Variants in TNFAIP8L3 observed in about 807,000 individuals in gnomAD.
TNFAIP8L3 encodes the protein TNF alpha induced protein 8 like 3.
TNFAIP8L3 carries 7 observed loss-of-function variants against 11.8 expected under a neutral mutation model. The observed-to-expected ratio is 0.59, with a 90% CI of 0.34 to 1.11. TNFAIP8L3 has a LOEUF of 1.11. Among genes scored for constraint, TNFAIP8L3 ranks in the 50% most tolerant of loss-of-function variants. TNFAIP8L3 has a pLI of 0.03. For missense variants in TNFAIP8L3, 219 were observed against 258.6 expected (o/e 0.85, Z 1.05); for synonymous variants, 98 against 103.8 (o/e 0.94, Z 0.34).
At chr15:51,061,143 A>G (rs1446053512) in intron 1 of TNFAIP8L3, among the ~76,000 whole-genome samples, 6 of 152,182 alleles carry the variant, frequency 3.9e-5, no homozygotes, top group Admixed American at 2.6e-4. Flanking sequence ...CAAAAAAATA[A>G]TAATTAATTC....
intron 1 of TNFAIP8L3, 24 bp from the exon 2 acceptor site, chr15:51,058,467 A>C: frequency 5.5e-6 from 8 of 1,459,960 alleles, no homozygotes; most frequent in Non-Finnish European, 7.2e-6. Context: ...AATATATATA[A>C]AAGTTTTAGA....
At chr15:51,060,561 C>G (rs776494866) in intron 1 of TNFAIP8L3, among the ~76,000 whole-genome samples, 2 of 152,208 alleles carry the variant, frequency 1.3e-5, no homozygotes, top group African/African-American at 4.8e-5. Flanking sequence ...ACATATGCAT[C>G]CAGTGGCAGG....
intron 1 of TNFAIP8L3, among the ~76,000 whole-genome samples, chr15:51,093,599 C>G (rs1262769876): frequency 2.6e-5 from 4 of 152,134 alleles, no homozygotes; most frequent in Non-Finnish European, 4.4e-5. Context: ...GCGGTCTGTA[C>G]AGGAGGGTCC....
At chr15:51,095,700 C>T (rs1245862701), upstream of TNFAIP8L3, among the ~76,000 whole-genome samples, 1 of 151,734 alleles carries the variant, frequency 6.6e-6, no homozygotes, top group Non-Finnish European at 1.5e-5. Flanking sequence ...AGAGCCCAAA[C>T]GAGGGGGGAA....
intron 1 of TNFAIP8L3, among the ~76,000 whole-genome samples, chr15:51,061,521 A>G (rs780257660): frequency 1.3e-5 from 2 of 152,244 alleles, no homozygotes; most frequent in Non-Finnish European, 2.9e-5. Context: ...CACTTTAAAA[A>G]TGACATGAAC....
At chr15:51,072,291 C>T (rs1052933588) in intron 1 of TNFAIP8L3, among the ~76,000 whole-genome samples, 2 of 152,148 alleles carry the variant, frequency 1.3e-5, no homozygotes, top group Non-Finnish European at 2.9e-5. Flanking sequence ...CAGGCATGCA[C>T]CACCATGCCC....
At chr15:51,072,643 G>A (rs2065318189) in intron 1 of TNFAIP8L3, among the ~76,000 whole-genome samples, 1 of 151,834 alleles carries the variant, frequency 6.6e-6, no homozygotes, top group Non-Finnish European at 1.5e-5. Context: ...ATGAGGTTGG[G>A]AATCTTTTTC....
At chr15:51,058,851 G>T (rs1372009331) in intron 1 of TNFAIP8L3, among the ~76,000 whole-genome samples, 1 of 152,242 alleles carries the variant, frequency 6.6e-6, no homozygotes, top group East Asian at 1.9e-4. Flanking sequence ...TTAATGGCAC[G>T]AATGTAGCCC....
upstream of TNFAIP8L3, among the ~76,000 whole-genome samples, chr15:51,098,914 G>A (rs2065531325): frequency 6.6e-6 from 1 of 152,154 alleles, no homozygotes; most frequent in South Asian, 2.1e-4. Flanking sequence ...TGAGCAGTTA[G>A]GTTGTTTCCA....
chr15:51,082,084 C>A, intron 1 of TNFAIP8L3, among the ~76,000 whole-genome samples: 1 of 148,232 alleles, frequency 6.7e-6, no homozygotes, highest in East Asian at 2.0e-4. Flanking sequence ...TTTCTGGAAG[C>A]GTGAAAAAGC....
intron 1 of TNFAIP8L3, among the ~76,000 whole-genome samples, chr15:51,071,050 C>CAAA (rs55991711): frequency 5.4e-4 from 17 of 31,732 alleles, no homozygotes; most frequent in African/African-American, 1.1e-3. Flanking sequence ...GACTCCGTCT[C>CAAA]AAAAAAAAAA....
intron 1 of TNFAIP8L3, among the ~76,000 whole-genome samples, chr15:51,076,378 T>C (rs8026318): frequency 0.6 from 91,107 of 152,008 alleles, 27,460 homozygotes; most frequent in Non-Finnish European, 0.62. Flanking sequence ...CATCACGTAA[T>C]GGGAGGGGCC....
upstream of TNFAIP8L3, among the ~76,000 whole-genome samples, chr15:51,097,772 C>T (rs1196539929): frequency 6.6e-6 from 1 of 152,108 alleles, no homozygotes; most frequent in Non-Finnish European, 1.5e-5. Flanking sequence ...AAAATAGTAT[C>T]CTATGACCAT....
chr15:51,085,907 T>C (rs991746665), intron 1 of TNFAIP8L3, among the ~76,000 whole-genome samples: 6 of 152,210 alleles, frequency 3.9e-5, no homozygotes, highest in Non-Finnish European at 8.8e-5. Flanking sequence ...TCACATATTC[T>C]ACCATGAGCT....
At chr15:51,068,995 A>G (rs2065290684) in intron 1 of TNFAIP8L3, among the ~76,000 whole-genome samples, 1 of 152,148 alleles carries the variant, frequency 6.6e-6, no homozygotes, top group African/African-American at 2.4e-5. Context: ...AGAATGAATT[A>G]TTTAAAAATT....
At chr15:51,065,326 AG>A (rs1404124159) in intron 1 of TNFAIP8L3, among the ~76,000 whole-genome samples, 1 of 152,210 alleles carries the variant, frequency 6.6e-6, no homozygotes, top group Non-Finnish European at 1.5e-5. Context: ...AGATAATTTA[AG>A]GGGGGAACTT....
chr15:51,082,794 C>T (rs1027341148), intron 1 of TNFAIP8L3, among the ~76,000 whole-genome samples: 2 of 152,028 alleles, frequency 1.3e-5, no homozygotes, highest in African/African-American at 4.8e-5. Flanking sequence ...ACATTAGTCT[C>T]TGCCGACAAA....
At chr15:51,085,782 T>C (rs544653127) in intron 1 of TNFAIP8L3, among the ~76,000 whole-genome samples, 2 of 152,264 alleles carry the variant, frequency 1.3e-5, no homozygotes, top group South Asian at 4.2e-4. Flanking sequence ...TTTTAAACCC[T>C]CCTCTCTCCC....
At chr15:51,093,198 A>G (rs1026342904) in intron 1 of TNFAIP8L3, among the ~76,000 whole-genome samples, 2 of 152,354 alleles carry the variant, frequency 1.3e-5, no homozygotes, top group East Asian at 3.9e-4. Context: ...TGGCACTTGC[A>G]CACACACAGG....
Sources: gnomAD v4.1 joint callset for allele counts (sites outside exome capture counted in the v4.1 genomes callset) on GRCh38, gnomAD v4.1.1 for gene constraint, MANE v1.5 for transcripts, NCBI Gene and HGNC (gene_info 2026-07-23, HGNC 2026-07-21) for gene names.